Variants in BCAR1 observed in about 807,000 individuals in gnomAD.
The protein encoded by BCAR1 is breast cancer anti-estrogen resistance protein 1.
In BCAR1, 30 loss-of-function variants were observed where a neutral mutation model predicts 67.6. That is an observed-to-expected ratio of 0.44 (90% CI 0.33 to 0.60). The LOEUF (loss-of-function observed/expected upper bound fraction) is 0.60, where lower values mean the gene tolerates loss of function less well. Ranked by LOEUF, BCAR1 falls within the 20% of genes least tolerant of loss-of-function variation. The pLI is 0.02. For missense variants in BCAR1, 1,313 were observed against 1,222.3 expected, an observed-to-expected ratio of 1.07 and a Z score of -1.11; for synonymous variants, 626 against 556.7, an observed-to-expected ratio of 1.12 and a Z score of -1.75.
chr16:75,230,818 G>A (rs1270330120), intron 6 of BCAR1, among the ~76,000 whole-genome samples: 5 of 152,218 alleles, frequency 3.3e-5, no homozygotes, highest in Admixed American at 3.3e-4. Flanking sequence ...CCCTTAGGCA[G>A]CCACTTGGTG....
At chr16:75,250,586 A>C in intron 1 of BCAR1, 5 of 963,736 alleles carry the variant, frequency 5.2e-6, no homozygotes, top group Middle Eastern at 1.1e-3. Context: ...CCCGATCTGG[A>C]ACTCGAAACC....
Position 75,247,771 on chromosome 16 carries a change from G to T in BCAR1, c.12+3700C>A, listed in dbSNP as rs1419730046. ...CTGCTGACCAAAACCCTCTCTGCCA[G>T]GCCTGGCTCATATCTGGCCTGCACC... On this transcript the variant is annotated intron_variant, in intron 1 of 6. Transcript: ENST00000162330. 1.7e-5 allele frequency: 8 copies of T among 473,330 alleles called. No individual in the cohort carries two copies. In the South Asian group the frequency reaches 1.8e-4, roughly 11 times the overall value. The allele number at this position is 473,330 out of a possible 1,614,324, so 29.3% of individuals were successfully genotyped here.
intron 1 of BCAR1, chr16:75,265,717 G>C (rs1394616907): frequency 4.6e-5 from 54 of 1,161,950 alleles, no homozygotes; most frequent in Non-Finnish European, 5.5e-5. Flanking sequence ...CCAGTGAGGC[G>C]ACCCCCAGTC....
In BCAR1 at chr16:75,237,026, G is replaced by A. The variant is rs200977958; in HGVS notation, c.796-28C>T. On this transcript the variant is annotated intron_variant, in intron 3 of 6. Transcript: ENST00000162330. ...GGGGCAGAAACAGTGCAGGGTTAAC[G>A]GCGCCAGGGCCACTTGGGGGAATAG... 334 of 1,556,948 alleles carry A rather than the reference G, an allele frequency of 2.1e-4. 1 individual carries two copies. The Middle Eastern group carries it at 6.4e-3, about 30-fold the overall frequency.
rs368320692 is a variant in BCAR1, at chr16:75,229,640, G to A, written c.2484C>T (p.Ala828=). The change falls in exon 7 of 7, where the codon GCC becomes GCT. Residue 828 remains alanine (A), a synonymous_variant. Coordinates refer to ENST00000162330, the MANE Select transcript of BCAR1 (RefSeq NM_014567.5). ...ACTGCAAGGCAGCGGCCTTGGTGGT[G>A]GCCACGATGCCGCGCAGGAGGTCGC... The part of the protein sequence containing the change: ...LLCDLLRGIV[A]TTKAAALQYP... The A allele has an allele frequency of 6.2e-7, 1 of 1,612,622 alleles. No homozygotes were observed. Among genetic ancestry groups the A allele is most frequent in the Non-Finnish European group, 8.5e-7 (1 of 1,179,926 alleles).
intron 2 of BCAR1, among the ~76,000 whole-genome samples, chr16:75,239,446 C>T (rs941616519): frequency 4.6e-5 from 7 of 152,276 alleles, no homozygotes; most frequent in East Asian, 1.9e-4. Flanking sequence ...AGGCATCAAG[C>T]GGGGGGACAA....
chr16:75,238,622 C>A, intron 2 of BCAR1: 1 of 986,440 alleles, frequency 1.0e-6, no homozygotes, highest in Non-Finnish European at 1.2e-6. Flanking sequence ...GAACTGGGCC[C>A]ACTAGGTCTC....
chr16:75,233,952 G>A lies in BCAR1; in HGVS notation c.2011-17C>T. The stretch of plus-strand genomic sequence containing the variant: ...CTCCTTCCCCTGGAGGGCAGAGACA[G>A]GGGCTGCGCTGAGGCCAGTTTTCTG... On this transcript the variant is annotated splice_polypyrimidine_tract_variant and intron_variant, in intron 5 of 6. Transcript: ENST00000162330. 1 of 1,589,908 alleles carries A rather than the reference G, an allele frequency of 6.3e-7. No homozygotes were observed. The highest frequency in any genetic ancestry group is 8.6e-7 in the Non-Finnish European group (1 of 1,167,192).
At chr16:75,244,452 C>T (rs2077455398) in intron 1 of BCAR1, among the ~76,000 whole-genome samples, 1 of 152,234 alleles carries the variant, frequency 6.6e-6, no homozygotes, top group African/African-American at 2.4e-5. Context: ...CCCTCCTCCC[C>T]TATATGAGCA....
At chr16:75,254,605 C>A (rs1436952956), upstream of BCAR1, among the ~76,000 whole-genome samples, 10 of 152,306 alleles carry the variant, frequency 6.6e-5, no homozygotes, top group Admixed American at 6.5e-4. Context: ...CACAGTGGGA[C>A]TGGCAGCAAG....
At chr16:75,262,809 C>G (rs1189458730) in intron 1 of BCAR1, among the ~76,000 whole-genome samples, 1 of 152,202 alleles carries the variant, frequency 6.6e-6, no homozygotes, top group Non-Finnish European at 1.5e-5. Flanking sequence ...CACCCTGCTG[C>G]ACAGCCTTGG....
Position 75,234,475 on chromosome 16 carries a change from C to T in BCAR1, c.2010+414G>A, listed in dbSNP as rs1234026294. 2.0e-5 allele frequency among the ~76,000 whole-genome samples: 3 copies of T among 152,328 alleles called. No homozygotes were observed. In the East Asian group the frequency reaches 5.8e-4, roughly 29 times the overall value. ...CCTGCCCCTGGATGCCTCTCTGGCC[C>T]AGCTCAGCCTGGAATGTTCCTTACC... On this transcript the variant is annotated intron_variant, in intron 5 of 6. Coordinates refer to ENST00000162330, the MANE Select transcript of BCAR1 (RefSeq NM_014567.5).
chr16:75,248,725 C>G (rs2077594113), intron 1 of BCAR1: 1 of 154,320 alleles, frequency 6.5e-6, no homozygotes, highest in Non-Finnish European at 1.4e-5. Flanking sequence ...CAGAGCCACC[C>G]CAGGGGAGCA....
intron 1 of BCAR1, among the ~76,000 whole-genome samples, chr16:75,244,234 T>C (rs2077447258): frequency 6.6e-6 from 1 of 152,240 alleles, no homozygotes; most frequent in Non-Finnish European, 1.5e-5. Flanking sequence ...GTCGAGACTC[T>C]GACTCGGAAA....
Position 75,235,676 on chromosome 16 carries a change from C to A in BCAR1, c.1223G>T (p.Gly408Val). ...EVADGGVVDS[G>V]VYAVPPPAER... ...AGCTGGGGGAGGCACCGCATACACA[C>A]CACTGTCGACCACGCCACCATCAGC... is the stretch of plus-strand genomic sequence containing the variant. Residue 408 changes from glycine (G) to valine (V), a missense_variant, in exon 5 of 7, where the codon GGT (glycine) becomes GTT (valine). By Grantham distance (109) the Gly-to-Val change is moderately radical. This residue lies in a region of BCAR1 where 1,272 missense variants were observed against 1,137.5 expected (regional missense o/e 1.12). Coordinates refer to ENST00000162330, the MANE Select transcript of BCAR1 (RefSeq NM_014567.5). 6.2e-7 allele frequency: 1 copy of A among 1,611,752 alleles called. No homozygotes were observed. The highest frequency in any genetic ancestry group is 1.3e-5 in the African/African-American group (1 of 75,032).
chr16:75,232,499 G>A (rs902519802), intron 6 of BCAR1, among the ~76,000 whole-genome samples: 11 of 151,920 alleles, frequency 7.2e-5, no homozygotes, highest in Non-Finnish European at 1.3e-4. Context: ...GTCTCACTAC[G>A]TGGCCTGGCT....
intron 2 of BCAR1, among the ~76,000 whole-genome samples, chr16:75,241,065 T>C (rs535643799): frequency 2.2e-4 from 34 of 152,364 alleles, no homozygotes; most frequent in Non-Finnish European, 2.8e-4. Flanking sequence ...GGACTGTGTG[T>C]GCGTGTGCAT....
At position 75,229,616 on chromosome 16, in the gene BCAR1, C is replaced by T; in HGVS notation, c.2508G>A (p.Gln836=). Residue 836 remains glutamine, a synonymous_variant, in exon 7 of 7, where the codon CAG becomes CAA. Coordinates refer to ENST00000162330, the MANE Select transcript of BCAR1 (RefSeq NM_014567.5). Reference sequence around the variant, plus strand: ...CCTGGGCCGCGGAAGGCGATGGGTACTGCAAGGCAGCGGCCTTGGTGGTGG... The same window carrying T: ...CCTGGGCCGCGGAAGGCGATGGGTATTGCAAGGCAGCGGCCTTGGTGGTGG... ...IVATTKAAAL[Q]YPSPSAAQDM... 2.5e-6 allele frequency: 4 copies of T among 1,612,426 alleles called. No homozygotes were observed. The highest frequency in any genetic ancestry group is 1.3e-5 in the African/African-American group (1 of 75,068).
intron 2 of BCAR1, among the ~76,000 whole-genome samples, chr16:75,239,925 C>T (rs982068890): frequency 2.0e-5 from 3 of 152,250 alleles, no homozygotes; most frequent in Admixed American, 6.5e-5. Context: ...TCTCCTTAGA[C>T]ACTGACCAGG....
Sources: allele counts gnomAD v4.1 joint callset (sites outside exome capture counted in the v4.1 genomes callset), GRCh38; gene constraint gnomAD v4.1.1; regional missense constraint gnomAD v4.1.1; transcripts MANE v1.5; gene names NCBI Gene and HGNC (gene_info 2026-07-23, HGNC 2026-07-21).